The following PARD3B variants were observed in gnomAD, a reference collection of about 807,000 sequenced individuals.
PARD3B encodes the protein par-3 family cell polarity regulator beta.
PARD3B carries 103 observed loss-of-function variants against 130.2 expected under a neutral mutation model. That is an observed-to-expected ratio of 0.79 (90% CI 0.67 to 0.93). The LOEUF (loss-of-function observed/expected upper bound fraction) is 0.93. PARD3B is among the 40% of genes least tolerant of loss of function. The probability of loss-of-function intolerance (pLI) is 0.00; values close to 1 mark genes in which losing one functional copy is unlikely to be tolerated. For synonymous variants in PARD3B, 583 were observed against 553.2 expected (o/e 1.05, Z -0.76); for missense variants, 1,609 against 1,499.2 (o/e 1.07, Z -1.21).
chr2:205,104,713 A>G (rs1703076751), intron 5 of PARD3B, among the ~76,000 whole-genome samples, 199 bp downstream of exon 5: 1 of 152,196 alleles, frequency 6.6e-6, no homozygotes, highest in African/African-American at 2.4e-5. Flanking sequence ...AAACATATAT[A>G]CAAATGATCC....
At chr2:205,317,437 C>A (rs1362348256) in intron 18 of PARD3B, among the ~76,000 whole-genome samples, 1 of 152,148 alleles carries the variant, frequency 6.6e-6, no homozygotes, top group Non-Finnish European at 1.5e-5. Context: ...GGAAAATAGA[C>A]CAAGACTATT....
chr2:204,922,074 T>C (rs1408187837), intron 2 of PARD3B, among the ~76,000 whole-genome samples: 1 of 151,916 alleles, frequency 6.6e-6, no homozygotes, highest in Non-Finnish European at 1.5e-5. Context: ...ATGAGTGGGG[T>C]GAGATCATGA....
intron 10 of PARD3B, among the ~76,000 whole-genome samples, chr2:205,133,466 G>T (rs1190290492): frequency 6.6e-6 from 1 of 152,122 alleles, no homozygotes; most frequent in Non-Finnish European, 1.5e-5. Flanking sequence ...GGTGGGCTTA[G>T]AAATCTGTAT....
intron 21 of PARD3B, among the ~76,000 whole-genome samples, chr2:205,551,120 A>G (rs1658625050): frequency 6.6e-6 from 1 of 151,394 alleles, no homozygotes; most frequent in African/African-American, 2.4e-5. Flanking sequence ...TGCTGAAACT[A>G]TTAACTTGGA....
intron 16 of PARD3B, among the ~76,000 whole-genome samples, chr2:205,296,697 GTT>G (rs1275865242): frequency 5.6e-5 from 8 of 143,822 alleles, no homozygotes; most frequent in Non-Finnish European, 7.6e-5. Context: ...GTGTGTGTGT[GTT>G]CATTCTTTTC....
intron 2 of PARD3B, among the ~76,000 whole-genome samples, chr2:204,752,690 T>C (rs1374623472): frequency 6.6e-6 from 1 of 152,202 alleles, no homozygotes; most frequent in Non-Finnish European, 1.5e-5. Context: ...TTTCTGATTT[T>C]ATGTCATCTC....
At chr2:205,529,932 C>A (rs2051513338) in intron 21 of PARD3B, among the ~76,000 whole-genome samples, 1 of 152,150 alleles carries the variant, frequency 6.6e-6, no homozygotes, top group Admixed American at 6.5e-5. Context: ...GGACTTAGAG[C>A]AATTACCCAC....
At chr2:204,987,598 G>A (rs1385593468) in intron 3 of PARD3B, among the ~76,000 whole-genome samples, 1 of 152,164 alleles carries the variant, frequency 6.6e-6, no homozygotes, top group East Asian at 1.9e-4. Context: ...TGCCTGGTGT[G>A]TAGTGGTCAG....
At position 205,615,472 on chromosome 2, in the gene PARD3B, C is replaced by G. The variant is rs1319477421; in HGVS notation, c.3277C>G (p.Pro1093Ala). The change falls in exon 23 of 23, where the codon CCT (proline) becomes GCT (alanine). Residue 1093 changes from proline (P) to alanine (A), a missense_variant. Pro to Ala is a conservative substitution (Grantham distance 27). Transcript: ENST00000406610. Reference protein sequence around the residue: ...ASLPRGGPADPVDYLPAAPRG... With the variant: ...ASLPRGGPADAVDYLPAAPRG... ...TCTTTCCAGGGGAGGACCCGCAGAT[C>G]CTGTAGACTATCTGCCAGCAGCACC... 1.3e-5 allele frequency: 21 copies of G among 1,606,630 alleles called. No individual in the cohort carries two copies. Among genetic ancestry groups the G allele is most frequent in the African/African-American group, 2.7e-5 (2 of 74,708 alleles).
rs533215659 is a variant in PARD3B at position 205,011,726 on chromosome 2, A to G, written c.395-35855A>G. ...GATTTAAGCCTGGGTGACAGTGTTT[A>G]GGGAACCTAGCTTGGAAATAAAGAA... On this transcript the variant is annotated intron_variant, in intron 3 of 22. Coordinates refer to ENST00000406610, the MANE Select transcript of PARD3B (RefSeq NM_001302769.2). The surrounding 1 kb of genome is among the most constrained non-coding windows in gnomAD (Gnocchi z 4.1). Among the ~76,000 whole-genome samples, 68 of 152,062 alleles carry G rather than the reference A, an allele frequency of 4.5e-4. No homozygotes were observed. The South Asian group carries it at 0.014, about 32-fold the overall frequency.
intron 3 of PARD3B, among the ~76,000 whole-genome samples, chr2:205,001,701 G>A (rs999694330): frequency 6.6e-6 from 1 of 152,190 alleles, no homozygotes; most frequent in African/African-American, 2.4e-5. Flanking sequence ...TGGCAGGGAG[G>A]CGTAATGTGC....
chr2:205,532,080 A>ATAAC (rs1274660780), intron 21 of PARD3B, among the ~76,000 whole-genome samples: 1 of 152,216 alleles, frequency 6.6e-6, no homozygotes, highest in African/African-American at 2.4e-5. Context: ...ATGCGCTGGC[A>ATAAC]TAACTGTCTT....
In PARD3B at chr2:205,400,975, G is replaced by A. The variant is rs762102565; in HGVS notation, c.2631-38G>A. 4 of 1,448,136 alleles carry A rather than the reference G, an allele frequency of 2.8e-6. No individual in the cohort carries two copies. The African/African-American group carries it at 5.6e-5, about 20-fold the overall frequency. The allele number at this position is 1,448,136 out of a possible 1,614,324, so 89.7% of individuals were successfully genotyped here. On this transcript the variant is annotated intron_variant, in intron 18 of 22. Transcript: ENST00000406610. ...CTTAGCTCTACCGCAAAAACAATGT[G>A]ATTATTGTTAACAGCCTTCTCCTTC...
chr2:204,593,031 G>A (rs2033140272), intron 1 of PARD3B, among the ~76,000 whole-genome samples: 1 of 152,116 alleles, frequency 6.6e-6, no homozygotes, highest in Non-Finnish European at 1.5e-5. Context: ...TCATCTATTG[G>A]GGGACATTTG....
At chr2:204,714,000 T>A (rs538457139) in intron 2 of PARD3B, among the ~76,000 whole-genome samples, 125 of 152,222 alleles carry the variant, frequency 8.2e-4, no homozygotes, top group Non-Finnish European at 1.5e-3. Context: ...AATATATGTA[T>A]GTTTATTAAC....
chr2:205,055,408 T>G (rs1257115424), intron 4 of PARD3B, among the ~76,000 whole-genome samples: 5 of 152,214 alleles, frequency 3.3e-5, no homozygotes, highest in African/African-American at 1.2e-4. Flanking sequence ...ACGACGTGTT[T>G]CTTGGCAAAG....
chr2:205,450,371 C>A (rs902666196), intron 20 of PARD3B, among the ~76,000 whole-genome samples: 1 of 151,508 alleles, frequency 6.6e-6, no homozygotes, highest in East Asian at 1.9e-4. Flanking sequence ...TCAACTCCTG[C>A]CAGTGTATTG....
At chr2:205,052,523 C>G (rs1352878223) in intron 4 of PARD3B, among the ~76,000 whole-genome samples, 1 of 146,996 alleles carries the variant, frequency 6.8e-6, no homozygotes, top group African/African-American at 2.5e-5. Context: ...TCAGGGGGGT[C>G]TGTTAACTCT....
chr2:205,222,382 A>C (rs575424169), intron 15 of PARD3B, among the ~76,000 whole-genome samples: 1 of 152,298 alleles, frequency 6.6e-6, no homozygotes, highest in African/African-American at 2.4e-5. Flanking sequence ...TACAAACTTT[A>C]TGTCATAACC....
Sources: allele counts gnomAD v4.1 joint callset (sites outside exome capture counted in the v4.1 genomes callset), GRCh38; gene constraint gnomAD v4.1.1; non-coding constraint Gnocchi (gnomAD v3.1); transcripts MANE v1.5; gene names NCBI Gene and HGNC (gene_info 2026-07-23, HGNC 2026-07-21).